Variants in TBX18 observed in about 807,000 individuals in gnomAD.
TBX18 encodes T-box transcription factor 18.
TBX18 carries 21 observed loss-of-function variants against 55.0 expected under a neutral mutation model. That is an observed-to-expected ratio of 0.38 (90% CI 0.27 to 0.55). TBX18 has a LOEUF of 0.55. Ranked by LOEUF, TBX18 falls within the 20% of genes least tolerant of loss-of-function variation. TBX18 has a pLI of 0.73. For synonymous variants in TBX18, 342 were observed against 326.1 expected (o/e 1.05, Z -0.53); for missense variants, 840 against 799.6 (o/e 1.05, Z -0.61).
At chr6:84,746,741 A>C (rs1272933020) in intron 5 of TBX18, among the ~76,000 whole-genome samples, 2 of 149,842 alleles carry the variant, frequency 1.3e-5, no homozygotes, top group South Asian at 4.2e-4. Context: ...CATATACTAA[A>C]ATTGAAACAA....
chr6:84,739,898 A>G (rs1467129982), intron 6 of TBX18, among the ~76,000 whole-genome samples: 1 of 152,216 alleles, frequency 6.6e-6, no homozygotes, highest in Non-Finnish European at 1.5e-5. Context: ...TGTTCAGGGT[A>G]TAGTCTCTGT....
At position 84,733,792 on chromosome 6, in the gene TBX18, G is replaced by C. The variant is rs1273602530; in HGVS notation, c.*2893C>G. On this transcript the variant is annotated 3_prime_UTR_variant, in exon 8 of 8. Coordinates refer to ENST00000369663, the MANE Select transcript of TBX18 (RefSeq NM_001080508.3). ...GGATTAAGTCTGGAGGGGTAATGAA[G>C]AGCTATTTACATTTTAAAAGTGAGA... 6.6e-6 allele frequency: 1 copy of C among 152,182 alleles called. No individual in the cohort carries two copies. The highest frequency in any genetic ancestry group is 1.5e-5 in the Non-Finnish European group (1 of 68,042). The allele number at this position is 152,182 out of a possible 1,614,324, so 9.4% of individuals were successfully genotyped here.
intron 4 of TBX18, among the ~76,000 whole-genome samples, chr6:84,750,977 G>A (rs1767333080): frequency 6.6e-6 from 1 of 152,134 alleles, no homozygotes; most frequent in Non-Finnish European, 1.5e-5. Context: ...GGGAGTTTAA[G>A]GGAGAACCCT....
chr6:84,756,211 T>C (rs1425466579), intron 4 of TBX18, among the ~76,000 whole-genome samples: 1 of 152,234 alleles, frequency 6.6e-6, no homozygotes, highest in Non-Finnish European at 1.5e-5. Context: ...ATGATTGTTG[T>C]AACATTTTGA....
Position 84,737,063 on chromosome 6 carries a change from C to T in TBX18, c.1446G>A (p.Gln482=). ...GTDGDTFSCP[Q]TSLSMQISGM... is the part of the protein sequence containing the mutation. ...CCGAAATCTGCATGGATAAGCTGGTCTGTGGGCAGCTGAAGGTGTCCCCAT... is the reference window on the plus strand; with the variant it reads ...CCGAAATCTGCATGGATAAGCTGGTTTGTGGGCAGCTGAAGGTGTCCCCAT... Residue 482 remains glutamine (Q), a synonymous_variant, in exon 8 of 8, where the codon CAG becomes CAA. Coordinates refer to ENST00000369663, the MANE Select transcript of TBX18 (RefSeq NM_001080508.3). 6.2e-7 allele frequency: 1 copy of T among 1,614,164 alleles called. No individual in the cohort carries two copies. Among genetic ancestry groups the T allele is most frequent in the Non-Finnish European group, 8.5e-7 (1 of 1,180,018 alleles).
rs1773938061 is a variant in TBX18, at chr6:84,736,272, TG to T, written c.*412del. On this transcript the variant is annotated 3_prime_UTR_variant, in exon 8 of 8. Transcript: ENST00000369663. Reference sequence around the variant, plus strand: ...CAAGACTCTACATGCTGGTTACTGCTGGTTATCAATACATCAAGTATGAAAC... The same window carrying T: ...CAAGACTCTACATGCTGGTTACTGCTGTTATCAATACATCAAGTATGAAAC... The T allele has an allele frequency of 6.5e-6, 1 of 153,372 alleles. No homozygotes were observed. 9.5% of individuals were successfully genotyped at this position (153,372 alleles called of 1,614,324 possible).
At chr6:84,746,587 A>G (rs1352770852) in intron 5 of TBX18, among the ~76,000 whole-genome samples, 1 of 146,836 alleles carries the variant, frequency 6.8e-6, no homozygotes, top group Non-Finnish European at 1.5e-5. Context: ...TATATTTTAT[A>G]TAATGTATAT....
intron 5 of TBX18, among the ~76,000 whole-genome samples, chr6:84,747,137 T>C (rs1172532822): frequency 6.6e-6 from 1 of 150,754 alleles, no homozygotes; most frequent in East Asian, 1.9e-4. Context: ...TGTATATAAA[T>C]GTAAAGAGAA....
chr6:84,747,796 A>G (rs1035496924), intron 5 of TBX18, 124 bp downstream of exon 5: 23 of 859,098 alleles, frequency 2.7e-5, no homozygotes, highest in Middle Eastern at 5.4e-4. Flanking sequence ...ATATATATAC[A>G]CTTTGAATGT....
At chr6:84,761,814 T>C (rs1397579401) in intron 2 of TBX18, among the ~76,000 whole-genome samples, 1 of 152,218 alleles carries the variant, frequency 6.6e-6, no homozygotes, top group African/African-American at 2.4e-5. Flanking sequence ...AAAACCGATG[T>C]ACCTTTTTAT....
intron 3 of TBX18, among the ~76,000 whole-genome samples, chr6:84,759,165 C>G (rs939883852): frequency 6.6e-6 from 1 of 152,070 alleles, no homozygotes; most frequent in South Asian, 2.1e-4. Flanking sequence ...TTTAGCAAAA[C>G]TCCCTAATGA....
At chr6:84,763,518 G>A in intron 1 of TBX18, 10 of 500,362 alleles carry the variant, frequency 2.0e-5, no homozygotes, top group Non-Finnish European at 3.5e-5. Context: ...GGGGTATGCC[G>A]TCGCTCCCCT....
Position 84,738,484 on chromosome 6 carries a change from C to A in TBX18, c.1099+13G>T. 6.2e-7 allele frequency: 1 copy of A among 1,611,326 alleles called. No individual in the cohort carries two copies. The highest frequency in any genetic ancestry group is 8.5e-7 in the Non-Finnish European group (1 of 1,177,494). On this transcript the variant is annotated intron_variant, in intron 7 of 7. Transcript: ENST00000369663. ...CGGGCTGTATATATGACCCAGGAGA[C>A]TTTGTGAGTTACCTTGCTTGGGAAT...
rs529316355 is a variant in TBX18 at position 84,749,453 on chromosome 6, T to C, written c.772-1366A>G. Among the ~76,000 whole-genome samples, 6 of 152,026 alleles carry C rather than the reference T, an allele frequency of 3.9e-5. No homozygotes were observed. In the East Asian group the frequency reaches 5.8e-4, roughly 15 times the overall value. On this transcript the variant is annotated intron_variant, in intron 4 of 7. Transcript: ENST00000369663. Reference sequence around the variant, plus strand: ...TTGCTGCCACAAGAAGATTCTTTACTTTCTGGCAGTGCTGTGGCTAAGATT... The same window carrying C: ...TTGCTGCCACAAGAAGATTCTTTACCTTCTGGCAGTGCTGTGGCTAAGATT...
At chr6:84,752,271 T>C (rs984405946) in intron 4 of TBX18, among the ~76,000 whole-genome samples, 5 of 152,188 alleles carry the variant, frequency 3.3e-5, no homozygotes, top group Admixed American at 6.5e-5. Context: ...CTGTGTCTAG[T>C]CTTACAGGAT....
At chr6:84,737,717 T>A (rs1174116036) in intron 7 of TBX18, among the ~76,000 whole-genome samples, 2 of 152,178 alleles carry the variant, frequency 1.3e-5, no homozygotes, top group African/African-American at 4.8e-5. Flanking sequence ...CCCCTCTGGA[T>A]CTGCTGGCAG....
chr6:84,735,471 GC>G lies in TBX18; in HGVS notation c.*1213del, dbSNP rs1481799007. On this transcript the variant is annotated 3_prime_UTR_variant, in exon 8 of 8. Transcript: ENST00000369663. ...AGGGTCTTTATAGTAATGGGCTTTGGCCTTTGCACTATAGCTCCCAAAAGAC... is the reference window on the plus strand; with the variant it reads ...AGGGTCTTTATAGTAATGGGCTTTGGCTTTGCACTATAGCTCCCAAAAGAC... The G allele has an allele frequency of 6.6e-6, 1 of 152,080 alleles. No individual in the cohort carries two copies. The highest frequency in any genetic ancestry group is 1.5e-5 in the Non-Finnish European group (1 of 68,012). 9.4% of individuals were successfully genotyped at this position (152,080 alleles called of 1,614,324 possible).
chr6:84,740,812 A>C (rs529984217), intron 6 of TBX18, among the ~76,000 whole-genome samples: 1 of 152,346 alleles, frequency 6.6e-6, no homozygotes, highest in East Asian at 1.9e-4. Context: ...GTGATTATAG[A>C]GCAGTCTTGA....
At position 84,762,712 on chromosome 6, in the gene TBX18, G is replaced by A; in HGVS notation, c.329C>T (p.Pro110Leu). 1 of 1,610,658 alleles carries A rather than the reference G, an allele frequency of 6.2e-7. No homozygotes were observed. The highest frequency in any genetic ancestry group is 8.5e-7 in the Non-Finnish European group (1 of 1,179,022). The stretch of plus-strand genomic sequence containing the variant: ...GGGGGAGCCTCCCGGTGACGCCAGA[G>A]GGGAAGCTCCCTGCTGGAAGCCGTC... The part of the protein sequence containing the change: ...CEDGFQQGAS[P>L]LASPGGSPKG... The change falls in exon 2 of 8, where the codon CCT becomes CTT. Residue 110 changes from proline (P) to leucine (L), a missense_variant. Transcript: ENST00000369663.
Sources: gnomAD v4.1 joint callset for allele counts (sites outside exome capture counted in the v4.1 genomes callset) on GRCh38, gnomAD v4.1.1 for gene constraint, MANE v1.5 for transcripts, NCBI Gene and HGNC (gene_info 2026-07-23, HGNC 2026-07-21) for gene names.